AKAP6: variants seen among roughly 807,000 people sequenced by gnomAD.
AKAP6 encodes A-kinase anchoring protein 6.
A neutral mutation model predicts 188.5 loss-of-function variants in AKAP6; 58 were observed. The ratio of observed to expected loss-of-function variants is 0.31; its 90% CI spans 0.25 to 0.38. The LOEUF is 0.38. Among genes scored for constraint, AKAP6 ranks in the 10% least tolerant of loss-of-function variants. The pLI is 1.00. For synonymous variants in AKAP6, 989 were observed against 998.6 expected, an observed-to-expected ratio of 0.99 and a Z score of 0.18; for missense variants, 2,710 against 2,740.0, an observed-to-expected ratio of 0.99 and a Z score of 0.24.
At chr14:32,424,716 A>G (rs894983699) in intron 1 of AKAP6, among the ~76,000 whole-genome samples, 2 of 152,060 alleles carry the variant, frequency 1.3e-5, no homozygotes, top group African/African-American at 2.4e-5. Flanking sequence ...ATGTGTCCTC[A>G]TCATTTAGCT....
intron 1 of AKAP6, among the ~76,000 whole-genome samples, chr14:32,414,053 A>G (rs995210182): frequency 3.7e-4 from 56 of 152,070 alleles, no homozygotes; most frequent in Admixed American, 5.9e-4. Flanking sequence ...GGTAAATAAA[A>G]TGAGAAACCA....
intron 7 of AKAP6, among the ~76,000 whole-genome samples, chr14:32,675,297 T>C (rs1889380982): frequency 6.6e-6 from 1 of 152,212 alleles, no homozygotes; most frequent in Non-Finnish European, 1.5e-5. Flanking sequence ...CCGAGTCTTC[T>C]TCCCCAACCC....
chr14:32,613,070 T>C (rs549448173), intron 7 of AKAP6, among the ~76,000 whole-genome samples: 90 of 152,362 alleles, frequency 5.9e-4, no homozygotes, highest in African/African-American at 2.0e-3. Context: ...GCTAACATAA[T>C]GTAGTTTATA....
chr14:32,440,515 G>C (rs1890538549), intron 2 of AKAP6, among the ~76,000 whole-genome samples: 1 of 151,854 alleles, frequency 6.6e-6, no homozygotes, highest in Admixed American at 6.6e-5. Context: ...CCAAGTTCTT[G>C]GTCATGGTGT....
chr14:32,602,496 A>G (rs947416429), intron 7 of AKAP6, among the ~76,000 whole-genome samples: 5 of 152,138 alleles, frequency 3.3e-5, no homozygotes, highest in African/African-American at 1.2e-4. Flanking sequence ...TCCTGTCTCT[A>G]AAAAACAAGT....
chr14:32,631,762 T>C (rs999144448), intron 7 of AKAP6, among the ~76,000 whole-genome samples: 2 of 152,094 alleles, frequency 1.3e-5, no homozygotes, highest in African/African-American at 2.4e-5. Context: ...TTTTAAAATT[T>C]ACAACAACAT....
intron 2 of AKAP6, chr14:32,442,753 C>T (rs974286261): frequency 6.6e-6 from 1 of 151,964 alleles, no homozygotes; most frequent in African/African-American, 2.4e-5. Context: ...TTTAATTCAT[C>T]ATAAGTAGGA....
At chr14:32,699,421 CTTAA>C (rs1668051931) in intron 9 of AKAP6, among the ~76,000 whole-genome samples, 1 of 152,166 alleles carries the variant, frequency 6.6e-6, no homozygotes, top group African/African-American at 2.4e-5. Context: ...ATTCAGAAAC[CTTAA>C]TTAATACTGC....
chr14:32,740,078 G>A (rs1416189989), intron 11 of AKAP6, among the ~76,000 whole-genome samples: 1 of 152,132 alleles, frequency 6.6e-6, no homozygotes, highest in Non-Finnish European at 1.5e-5. Context: ...TAACTGGAGT[G>A]AGATGGTATC....
At chr14:32,648,119 C>T (rs988043906) in intron 7 of AKAP6, among the ~76,000 whole-genome samples, 1 of 151,996 alleles carries the variant, frequency 6.6e-6, no homozygotes, top group Non-Finnish European at 1.5e-5. Flanking sequence ...GTATGTGTTC[C>T]CATTTCTGTG....
chr14:32,587,748 G>A (rs1318719344), intron 5 of AKAP6, among the ~76,000 whole-genome samples: 1 of 152,274 alleles, frequency 6.6e-6, no homozygotes, highest in East Asian at 1.9e-4. Context: ...TATAGCACAG[G>A]ACAGCCCACT....
chr14:32,723,120 G>A (rs1444827143), intron 9 of AKAP6, among the ~76,000 whole-genome samples: 2 of 152,130 alleles, frequency 1.3e-5, no homozygotes, highest in Non-Finnish European at 2.9e-5. Flanking sequence ...CCGAGTAAAC[G>A]AGCCACACCT....
chr14:32,784,645 G>T (rs751253706), intron 12 of AKAP6, among the ~76,000 whole-genome samples: 1 of 152,114 alleles, frequency 6.6e-6, no homozygotes, highest in Non-Finnish European at 1.5e-5. Context: ...AACATGTACT[G>T]TTTCTCAGTT....
intron 5 of AKAP6, among the ~76,000 whole-genome samples, chr14:32,586,996 ACAATG>A (rs1885280148): frequency 6.6e-6 from 1 of 152,216 alleles, no homozygotes; most frequent in Non-Finnish European, 1.5e-5. Context: ...TTTATACTCA[ACAATG>A]CATGAGAGTG....
At chr14:32,381,141 A>G (rs974170453) in intron 1 of AKAP6, among the ~76,000 whole-genome samples, 1 of 152,158 alleles carries the variant, frequency 6.6e-6, no homozygotes, top group Non-Finnish European at 1.5e-5. Context: ...GTTCGAGACC[A>G]GCCTGGGCAA....
chr14:32,431,151 A>G (rs902288345), intron 1 of AKAP6, among the ~76,000 whole-genome samples: 3 of 151,542 alleles, frequency 2.0e-5, no homozygotes, highest in Non-Finnish European at 4.4e-5. Flanking sequence ...AGGCTGGGGT[A>G]TGGTTTATGA....
At chr14:32,637,593 A>T (rs12323757) in intron 7 of AKAP6, among the ~76,000 whole-genome samples, 35,464 of 151,972 alleles carry the variant, frequency 0.23, 4,579 homozygotes, top group African/African-American at 0.31. Flanking sequence ...GACAAGGGGT[A>T]GATTGGTATA....
At position 32,546,741 on chromosome 14, in the gene AKAP6, G is replaced by A. The variant is rs1442326694; in HGVS notation, c.2088G>A (p.Val696=). 8 of 1,614,006 alleles carry A rather than the reference G, an allele frequency of 5.0e-6. No individual in the cohort carries two copies. Among genetic ancestry groups the A allele is most frequent in the Non-Finnish European group, 6.8e-6 (8 of 1,180,028 alleles). Residue 696 remains valine, a synonymous_variant, in exon 4 of 14, where the codon GTG becomes GTA. Coordinates refer to ENST00000280979, the MANE Select transcript of AKAP6 (RefSeq NM_004274.5). ...VKKKHTRLGR[V]SPSSSSDIAS... ...AGAAGCATACAAGGCTAGGCAGGGT[G>A]TCTCCAAGCTCATCTAGTGACATAG...
intron 11 of AKAP6, among the ~76,000 whole-genome samples, chr14:32,764,716 A>G (rs1359722026): frequency 3.3e-5 from 5 of 151,736 alleles, no homozygotes; most frequent in Non-Finnish European, 5.9e-5. Context: ...ACACACACAC[A>G]CGCACACACA....
Sources: gnomAD v4.1 joint callset for allele counts (sites outside exome capture counted in the v4.1 genomes callset) on GRCh38, gnomAD v4.1.1 for gene constraint, MANE v1.5 for transcripts, NCBI Gene and HGNC (gene_info 2026-07-23, HGNC 2026-07-21) for gene names.